CDKAL1: variants seen among roughly 807,000 people sequenced by gnomAD.
CDKAL1 encodes the protein threonylcarbamoyladenosine tRNA methylthiotransferase.
A neutral mutation model predicts 68.2 loss-of-function variants in CDKAL1; 32 were observed. That is an observed-to-expected ratio of 0.47 (90% CI 0.35 to 0.63). The LOEUF (loss-of-function observed/expected upper bound fraction) is 0.63. Among genes scored for constraint, CDKAL1 ranks in the 30% least tolerant of loss-of-function variants. The pLI, the probability that CDKAL1 is intolerant of heterozygous loss-of-function variation, is 0.00. For missense variants in CDKAL1, 606 were observed against 696.7 expected (o/e 0.87, Z 1.47); for synonymous variants, 234 against 244.3 (o/e 0.96, Z 0.39).
intron 13 of CDKAL1, among the ~76,000 whole-genome samples, chr6:21,187,475 A>C (rs1007515549): frequency 2.0e-5 from 3 of 152,358 alleles, no homozygotes; most frequent in Non-Finnish European, 4.4e-5. Flanking sequence ...TAGTATTTGA[A>C]AAGAAGCTTT....
chr6:20,865,902 A>G (rs576197939), intron 9 of CDKAL1, among the ~76,000 whole-genome samples: 26 of 152,300 alleles, frequency 1.7e-4, no homozygotes, highest in African/African-American at 5.8e-4. Flanking sequence ...TGAACTGTGA[A>G]GTTTAATTTG....
intron 11 of CDKAL1, among the ~76,000 whole-genome samples, chr6:21,057,958 C>T (rs1403907414): frequency 6.6e-6 from 1 of 152,192 alleles, no homozygotes; most frequent in Non-Finnish European, 1.5e-5. Flanking sequence ...AGAGTAAGTG[C>T]CATGTGGCAC....
intron 6 of CDKAL1, among the ~76,000 whole-genome samples, chr6:20,755,149 G>C (rs992897490): frequency 6.6e-6 from 1 of 152,034 alleles, no homozygotes. Context: ...ATCCTTAATT[G>C]ATATCTTGGT....
At chr6:20,852,681 G>C (rs1337913607) in intron 9 of CDKAL1, among the ~76,000 whole-genome samples, 1 of 152,188 alleles carries the variant, frequency 6.6e-6, no homozygotes, top group Admixed American at 6.5e-5. Context: ...CAGAAACAGA[G>C]TATAATTTAT....
intron 5 of CDKAL1, among the ~76,000 whole-genome samples, chr6:20,706,749 T>A (rs77402376): frequency 0.11 from 16,942 of 152,252 alleles, 1,223 homozygotes; most frequent in Admixed American, 0.21. Context: ...TGTGAAGTGA[T>A]GAGTCACATG....
intron 13 of CDKAL1, among the ~76,000 whole-genome samples, chr6:21,133,892 ATAAATT>A (rs1441583881): frequency 6.6e-6 from 1 of 152,216 alleles, no homozygotes; most frequent in African/African-American, 2.4e-5. Flanking sequence ...GATGTCTCCT[ATAAATT>A]TAGAGTGATG....
intron 9 of CDKAL1, among the ~76,000 whole-genome samples, chr6:20,858,531 A>G (rs1376274411): frequency 6.6e-6 from 1 of 152,190 alleles, no homozygotes; most frequent in Non-Finnish European, 1.5e-5. Context: ...ATTTGGTTTT[A>G]TAGATATATA....
Position 20,913,261 on chromosome 6 carries a change from A to G in CDKAL1, c.743-42158A>G, listed in dbSNP as rs756508223. ...CTCTACTCAGGGTCTCTCACAAGTT[A>G]GTCAATGCTGAGGTCTCATCCAAAG... On this transcript the variant is annotated intron_variant, in intron 9 of 15. Transcript: ENST00000274695. 3.3e-5 allele frequency among the ~76,000 whole-genome samples: 5 copies of G among 152,212 alleles called. No individual in the cohort carries two copies. The East Asian group carries it at 9.7e-4, about 29-fold the overall frequency.
chr6:21,095,372 A>C (rs1158496606), intron 12 of CDKAL1, among the ~76,000 whole-genome samples: 1 of 152,100 alleles, frequency 6.6e-6, no homozygotes, highest in Non-Finnish European at 1.5e-5. Context: ...TGATACAGAA[A>C]CCTACACTGT....
At chr6:20,722,475 T>C in intron 5 of CDKAL1, 1 of 312,906 alleles carries the variant, frequency 3.2e-6, no homozygotes, top group Non-Finnish European at 6.1e-6. Flanking sequence ...CAGTAGCCTT[T>C]TTACAGAATT....
intron 10 of CDKAL1, among the ~76,000 whole-genome samples, chr6:20,994,365 G>A (rs1025476367): frequency 2.2e-4 from 34 of 152,194 alleles, no homozygotes; most frequent in African/African-American, 6.8e-4. Context: ...TGTAATCCCA[G>A]CTACTCAGGA....
At chr6:20,649,891 T>C (rs1036024002) in intron 5 of CDKAL1, among the ~76,000 whole-genome samples, 12 of 152,212 alleles carry the variant, frequency 7.9e-5, no homozygotes, top group African/African-American at 2.7e-4. Context: ...TTGCAAAGGA[T>C]GTGATCTCAT....
At chr6:21,162,092 A>T (rs1187869351) in intron 13 of CDKAL1, among the ~76,000 whole-genome samples, 2 of 152,216 alleles carry the variant, frequency 1.3e-5, no homozygotes, top group East Asian at 3.9e-4. Flanking sequence ...TTTGAGGTTG[A>T]GATATGTCCT....
intron 8 of CDKAL1, among the ~76,000 whole-genome samples, chr6:20,809,486 G>A (rs72832354): frequency 0.052 from 7,897 of 152,240 alleles, 295 homozygotes; most frequent in Non-Finnish European, 0.071. Context: ...AGAATTTAAT[G>A]TATTGATATT....
chr6:21,216,300 T>C (rs940333073), intron 15 of CDKAL1, among the ~76,000 whole-genome samples: 1 of 152,000 alleles, frequency 6.6e-6, no homozygotes, highest in Non-Finnish European at 1.5e-5. Context: ...ATGTAAAAAA[T>C]GAGAAGGTGT....
chr6:20,750,564 A>G (rs901953267), intron 6 of CDKAL1, among the ~76,000 whole-genome samples: 4 of 152,178 alleles, frequency 2.6e-5, no homozygotes, highest in Admixed American at 2.0e-4. Flanking sequence ...AGGGAGATTC[A>G]TCAAGTGGAC....
chr6:20,551,434 C>G (rs968386224), intron 4 of CDKAL1, among the ~76,000 whole-genome samples: 2 of 150,306 alleles, frequency 1.3e-5, no homozygotes, highest in Admixed American at 1.3e-4. Context: ...GTGGTGCAAT[C>G]TCAGCTCACT....
intron 5 of CDKAL1, among the ~76,000 whole-genome samples, chr6:20,652,841 G>C (rs577848627): frequency 6.6e-6 from 1 of 152,154 alleles, no homozygotes; most frequent in Non-Finnish European, 1.5e-5. Flanking sequence ...CAAGACCGTA[G>C]AAACTGCCGT....
chr6:21,037,071 G>A (rs1554165309), intron 11 of CDKAL1, among the ~76,000 whole-genome samples: 1 of 151,984 alleles, frequency 6.6e-6, no homozygotes, highest in African/African-American at 2.4e-5. Context: ...TTGTTTGTTT[G>A]CTTGTTCTCA....
Sources: gnomAD v4.1 joint callset for allele counts (sites outside exome capture counted in the v4.1 genomes callset) on GRCh38, gnomAD v4.1.1 for gene constraint, MANE v1.5 for transcripts, NCBI Gene and HGNC (gene_info 2026-07-23, HGNC 2026-07-21) for gene names.